Variants in FARSB observed in about 807,000 individuals in gnomAD.
The protein encoded by FARSB is phenylalanyl-tRNA synthetase subunit beta, also known as phenylalanine--tRNA ligase beta subunit.
A neutral mutation model predicts 69.6 loss-of-function variants in FARSB; 40 were observed. The observed-to-expected ratio is 0.57, with a 90% confidence interval of 0.45 to 0.75. The LOEUF (loss-of-function observed/expected upper bound fraction) is 0.75, where lower values mean the gene tolerates loss of function less well. FARSB is among the 30% of genes least tolerant of loss of function. The probability of loss-of-function intolerance (pLI) is 0.00; values close to 1 mark genes in which losing one functional copy is unlikely to be tolerated. For missense variants in FARSB, 632 were observed against 722.9 expected (o/e 0.87, Z 1.44); for synonymous variants, 235 against 247.2 (o/e 0.95, Z 0.46).
rs982667012 is a variant in FARSB, at chr2:222,569,357, G to A, written c.*2514C>T. The A allele has an allele frequency of 6.6e-6, 1 of 152,134 alleles. No homozygotes were observed. Among genetic ancestry groups the A allele is most frequent in the Non-Finnish European group, 1.5e-5 (1 of 68,022 alleles). 9.4% of individuals were successfully genotyped at this position (152,134 alleles called of 1,614,324 possible). ...AGGGCTATCATATGATGATCCATAA[G>A]CCATGATTTTAACTAGAGCGAACCT... On this transcript the variant is annotated 3_prime_UTR_variant, in exon 17 of 17. Transcript: ENST00000281828.
chr2:222,600,893 T>C (rs1026797503), intron 15 of FARSB, among the ~76,000 whole-genome samples: 2 of 152,194 alleles, frequency 1.3e-5, no homozygotes, highest in African/African-American at 4.8e-5. Context: ...TGTAATATTT[T>C]AAAAACTACC....
At chr2:222,618,968 C>G (rs1013681020) in intron 14 of FARSB, among the ~76,000 whole-genome samples, 9 of 152,066 alleles carry the variant, frequency 5.9e-5, no homozygotes, top group African/African-American at 9.7e-5. Context: ...TGGTGAAACC[C>G]CGTCTCTACT....
chr2:222,615,809 C>A (rs1279171542), intron 14 of FARSB, among the ~76,000 whole-genome samples: 1 of 152,238 alleles, frequency 6.6e-6, no homozygotes, highest in Non-Finnish European at 1.5e-5. Flanking sequence ...CAAGCTGCTA[C>A]TCGCCTTCAA....
Position 222,568,416 on chromosome 2 carries a change from A to C in FARSB, c.*3455T>G, listed in dbSNP as rs1211779765. ...AGTGTCTCAAACTCATTTATTGGCT[A>C]TGTGACTTCTGAGTAAGTTATTGAT... On this transcript the variant is annotated 3_prime_UTR_variant, in exon 17 of 17. Coordinates refer to ENST00000281828, the MANE Select transcript of FARSB (RefSeq NM_005687.5). This position sits in a 1 kb window ranked among gnomAD's most constrained non-coding sequence, Gnocchi z 4.3. The C allele has an allele frequency of 6.6e-6, 1 of 152,216 alleles. No homozygotes were observed. The highest frequency in any genetic ancestry group is 6.5e-5 in the Admixed American group (1 of 15,274). The allele number at this position is 152,216 out of a possible 1,614,324, so 9.4% of individuals were successfully genotyped here.
intron 2 of FARSB, among the ~76,000 whole-genome samples, chr2:222,645,631 GA>G (rs1691832878): frequency 6.8e-6 from 1 of 147,488 alleles, no homozygotes; most frequent in Admixed American, 6.7e-5. Flanking sequence ...TTTTTTTTGA[GA>G]AAAAAATTGG....
At chr2:222,629,471 G>A (rs1483557360) in intron 9 of FARSB, among the ~76,000 whole-genome samples, 1 of 152,066 alleles carries the variant, frequency 6.6e-6, no homozygotes, top group Non-Finnish European at 1.5e-5. Flanking sequence ...CTCTACCTCT[G>A]TTTAGCTGCT....
At chr2:222,619,968 A>G (rs1197577967) in intron 13 of FARSB, among the ~76,000 whole-genome samples, 1 of 152,232 alleles carries the variant, frequency 6.6e-6, no homozygotes, top group Non-Finnish European at 1.5e-5. Flanking sequence ...GGCCCATAGC[A>G]GATGGAATTT....
intron 8 of FARSB, among the ~76,000 whole-genome samples, chr2:222,631,286 C>T (rs1448389168): frequency 2.6e-5 from 4 of 151,560 alleles, no homozygotes; most frequent in Non-Finnish European, 4.4e-5. Context: ...CGCTATAGTA[C>T]TCATTCCATT....
rs184404681 is a variant in FARSB at position 222,581,211 on chromosome 2, A to G, written c.1619-9189T>C. Among the ~76,000 whole-genome samples, 8 of 152,340 alleles carry G rather than the reference A, an allele frequency of 5.3e-5. No homozygotes were observed. The East Asian group carries it at 1.5e-3, about 29-fold the overall frequency. ...CAGTAAAGTTAACGGGCCTCCTGTC[A>G]TTTTTATGAAGGTATTGGGAATACT... On this transcript the variant is annotated intron_variant, in intron 16 of 16. Transcript: ENST00000281828.
At chr2:222,638,396 T>C (rs1450060772) in intron 5 of FARSB, among the ~76,000 whole-genome samples, 1 of 152,218 alleles carries the variant, frequency 6.6e-6, no homozygotes, top group African/African-American at 2.4e-5. Flanking sequence ...AATAAACAGA[T>C]AATAGAGCCA....
Position 222,650,740 on chromosome 2 carries a change from T to C in FARSB, c.59-1945A>G, listed in dbSNP as rs191302556. Among the ~76,000 whole-genome samples the C allele has an allele frequency of 9.2e-5, 14 of 152,280 alleles. No homozygotes were observed. In the East Asian group the frequency reaches 2.7e-3, roughly 29 times the overall value. On this transcript the variant is annotated intron_variant, in intron 1 of 16. Coordinates refer to ENST00000281828, the MANE Select transcript of FARSB (RefSeq NM_005687.5). ...TCACCTGAGTGAGTCTGGAAGCAGATTCTCCAGCCCAGCCAAGCCTTGAAA... is the reference window on the plus strand; with the variant it reads ...TCACCTGAGTGAGTCTGGAAGCAGACTCTCCAGCCCAGCCAAGCCTTGAAA...
In FARSB at chr2:222,613,798, G is replaced by A. The variant is rs1432388396; in HGVS notation, c.1462+13C>T. 1 of 1,392,594 alleles carries A rather than the reference G, an allele frequency of 7.2e-7. No individual in the cohort carries two copies. 86.3% of individuals were successfully genotyped at this position (1,392,594 alleles called of 1,614,324 possible). Reference sequence around the variant, plus strand: ...TAAATACACAAATCAAATCAAAGGTGACTTATTCTTACCTGTATTAGAATC... The same window carrying A: ...TAAATACACAAATCAAATCAAAGGTAACTTATTCTTACCTGTATTAGAATC... On this transcript the variant is annotated intron_variant, in intron 15 of 16. Transcript: ENST00000281828.
At chr2:222,596,168 A>G (rs964308366) in intron 16 of FARSB, among the ~76,000 whole-genome samples, 1 of 152,172 alleles carries the variant, frequency 6.6e-6, no homozygotes, top group African/African-American at 2.4e-5. Context: ...CACTCTAGCT[A>G]CAACTACGGG....
chr2:222,594,564 T>C (rs1165771143), intron 16 of FARSB, among the ~76,000 whole-genome samples: 1 of 152,096 alleles, frequency 6.6e-6, no homozygotes. Flanking sequence ...ATATACAGTA[T>C]ATATATAGTG....
intron 10 of FARSB, among the ~76,000 whole-genome samples, chr2:222,626,862 T>C (rs1277479810): frequency 6.6e-6 from 1 of 151,764 alleles, no homozygotes; most frequent in African/African-American, 2.4e-5. Flanking sequence ...TGAAACCCCA[T>C]CTCTACTAAA....
intron 5 of FARSB, among the ~76,000 whole-genome samples, chr2:222,636,421 G>A (rs1691584209): frequency 6.7e-6 from 1 of 148,570 alleles, no homozygotes; most frequent in South Asian, 2.1e-4. Flanking sequence ...GCTTAAAACT[G>A]TAGAGTCAAC....
At chr2:222,590,638 G>C (rs1690245242) in intron 16 of FARSB, among the ~76,000 whole-genome samples, 1 of 150,514 alleles carries the variant, frequency 6.6e-6, no homozygotes, top group Admixed American at 6.6e-5. Flanking sequence ...TGTTAATTTT[G>C]TGTGATGATA....
intron 2 of FARSB, among the ~76,000 whole-genome samples, chr2:222,643,223 C>T (rs1691766651): frequency 6.6e-6 from 1 of 152,208 alleles, no homozygotes; most frequent in African/African-American, 2.4e-5. Flanking sequence ...GTTCAGATAT[C>T]TGGCAACCTC....
intron 16 of FARSB, among the ~76,000 whole-genome samples, chr2:222,583,531 T>C (rs1690025790): frequency 6.6e-6 from 1 of 152,156 alleles, no homozygotes; most frequent in Admixed American, 6.5e-5. Flanking sequence ...TTGAGGAACA[T>C]GCTACAAAAT....
Sources: allele counts gnomAD v4.1 joint callset (sites outside exome capture counted in the v4.1 genomes callset), GRCh38; gene constraint gnomAD v4.1.1; non-coding constraint Gnocchi (gnomAD v3.1); transcripts MANE v1.5; gene names NCBI Gene and HGNC (gene_info 2026-07-23, HGNC 2026-07-21).